The following ADAR variants were observed in gnomAD, a reference collection of about 807,000 sequenced individuals.
The protein encoded by ADAR is adenosine deaminase RNA specific, also known as double-stranded RNA-specific adenosine deaminase.
Under a neutral mutation model 113.2 loss-of-function variants are expected in ADAR, and 41 were observed. The ratio of observed to expected loss-of-function variants is 0.36; its 90% CI spans 0.28 to 0.47. The LOEUF (loss-of-function observed/expected upper bound fraction) is 0.47. Among genes scored for constraint, ADAR ranks in the 20% least tolerant of loss-of-function variants. The pLI, the probability that ADAR is intolerant of heterozygous loss-of-function variation, is 1.00. For missense variants in ADAR, 1,242 were observed against 1,540.9 expected (o/e 0.81, Z 3.25); for synonymous variants, 605 against 572.6 (o/e 1.06, Z -0.81).
chr1:154,590,112 A>AGAG, intron 7 of ADAR, 72 bp downstream of exon 7: 1 of 1,513,872 alleles, frequency 6.6e-7, no homozygotes, highest in Non-Finnish European at 9.1e-7. Context: ...CATGACAGCA[A>AGAG]GAGCCACCTC....
intron 1 of ADAR, chr1:154,606,109 T>G (rs1001313327): frequency 2.9e-5 from 6 of 205,228 alleles, no homozygotes; most frequent in African/African-American, 1.4e-4. Context: ...CAGTGTGATC[T>G]CAGCTCACTG....
At chr1:154,591,889 G>T (rs1383208662) in intron 6 of ADAR, among the ~76,000 whole-genome samples, 1 of 152,228 alleles carries the variant, frequency 6.6e-6, no homozygotes, top group Admixed American at 6.5e-5. Flanking sequence ...GAATGAGAGG[G>T]ACAGTGGCAT....
chr1:154,613,192 G>A (rs1571141044), intron 1 of ADAR, among the ~76,000 whole-genome samples: 1 of 151,834 alleles, frequency 6.6e-6, no homozygotes, highest in East Asian at 1.9e-4. Flanking sequence ...TTTTGGTAGA[G>A]AAGAGTGAGT....
Position 154,588,616 on chromosome 1 carries a change from A to C in ADAR, c.2820T>G (p.Phe940Leu). 6.2e-7 allele frequency: 1 copy of C among 1,614,166 alleles called. No homozygotes were observed. Among genetic ancestry groups the C allele is most frequent in the Non-Finnish European group, 8.5e-7 (1 of 1,180,000 alleles). Residue 940 changes from phenylalanine (F) to leucine (L), a missense_variant, in exon 10 of 15, where the codon TTT becomes TTG. Physicochemically the swap from Phe to Leu is conservative, Grantham distance 22. Coordinates refer to ENST00000368474, the MANE Select transcript of ADAR (RefSeq NM_001111.5). ...YNSQTAKDSI[F>L]EPAKGGEKLQ... Reference sequence around the variant, plus strand: ...GCTTTTCTCCTCCCTTAGCAGGTTCAAATATACTATCCTTCGCAGTCTGGG... The same window carrying C: ...GCTTTTCTCCTCCCTTAGCAGGTTCCAATATACTATCCTTCGCAGTCTGGG...
At chr1:154,612,773 T>G (rs1240470651), upstream of ADAR, among the ~76,000 whole-genome samples, 4 of 152,140 alleles carry the variant, frequency 2.6e-5, no homozygotes. Context: ...CACTGAGTTT[T>G]TATTCCACTA....
rs369307645 is a variant in ADAR, at chr1:154,625,631, C to T, written c.-871+2224G>A. ...CCCATCACTCTGGGAGGCCTAAGTG[C>T]GCAGATCACTTGAGGTCAGGAGTTC... On this transcript the variant is annotated intron_variant, in intron 1 of 14. Coordinates refer to the ADAR transcript ENST00000368471. 1.9e-3 allele frequency among the ~76,000 whole-genome samples: 290 copies of T among 152,146 alleles called. 12 individuals carry two copies. In the South Asian group the frequency reaches 0.058, roughly 30 times the overall value.
rs1256651575 is a variant in ADAR at position 154,583,903 on chromosome 1, G to C, written c.*903C>G. The C allele has an allele frequency of 6.6e-6, 1 of 152,218 alleles. No individual in the cohort carries two copies. The highest frequency in any genetic ancestry group is 1.5e-5 in the Non-Finnish European group (1 of 68,040). The allele number at this position is 152,218 out of a possible 1,614,324, so 9.4% of individuals were successfully genotyped here. On this transcript the variant is annotated 3_prime_UTR_variant, in exon 15 of 15. Coordinates refer to ENST00000368474, the MANE Select transcript of ADAR (RefSeq NM_001111.5). ...TCTAGGATTTGTCCCGTTGGCTAGG[G>C]TGTACGCCCAGCATTGGCGGGGAAA... is the stretch of plus-strand genomic sequence containing the variant.
upstream of ADAR, among the ~76,000 whole-genome samples, chr1:154,609,174 G>C (rs1698395047): frequency 6.6e-6 from 1 of 152,220 alleles, no homozygotes; most frequent in Admixed American, 6.5e-5. Context: ...GTAAAGCTCA[G>C]TCTTCAGCGC....
In ADAR at chr1:154,608,120, T is replaced by G; in HGVS notation, c.-114A>C. On this transcript the variant is annotated 5_prime_UTR_variant, in exon 1 of 15. Coordinates refer to ENST00000368474, the MANE Select transcript of ADAR (RefSeq NM_001111.5). ...CGCCTCCGCTACTCCGCACTGGAAG[T>G]GGCCCCGGGGCGTCGGCACGGGAAA... 1 of 1,358,642 alleles carries G rather than the reference T, an allele frequency of 7.4e-7. No homozygotes were observed. Among genetic ancestry groups the G allele is most frequent in the Non-Finnish European group, 9.7e-7 (1 of 1,034,444 alleles). 84.2% of individuals were successfully genotyped at this position (1,358,642 alleles called of 1,614,324 possible). A position where few individuals can be genotyped will look rare whatever the true frequency, so the allele number is the denominator to read the frequency against.
chr1:154,597,623 G>A (rs985299791), intron 4 of ADAR, among the ~76,000 whole-genome samples: 1 of 152,198 alleles, frequency 6.6e-6, no homozygotes, highest in Non-Finnish European at 1.5e-5. Flanking sequence ...AGAGGAGATA[G>A]AGGGTGGGCC....
intron 10 of ADAR, 140 bp from the exon 11 acceptor site, chr1:154,588,398 T>G: frequency 2.0e-6 from 3 of 1,488,078 alleles, no homozygotes; most frequent in Non-Finnish European, 2.8e-6. Flanking sequence ...CAGCAGTACA[T>G]GTGAGTCATC....
chr1:154,585,686 T>C lies in ADAR; in HGVS notation c.3315+67A>G, dbSNP rs1571048396. Reference sequence around the variant, plus strand: ...TCCCCTTGCCCACAGTGTACATTTTTCCTCTGTTTACATGACTGCTTGAAA... The same window carrying C: ...TCCCCTTGCCCACAGTGTACATTTTCCCTCTGTTTACATGACTGCTTGAAA... On this transcript the variant is annotated intron_variant, in intron 13 of 14. Transcript: ENST00000368474. 6 of 1,365,766 alleles carry C rather than the reference T, an allele frequency of 4.4e-6. No individual in the cohort carries two copies. In the South Asian group the frequency reaches 4.7e-5, roughly 11 times the overall value. 84.6% of individuals were successfully genotyped at this position (1,365,766 alleles called of 1,614,324 possible). A position where few individuals can be genotyped will look rare whatever the true frequency, so the allele number is the denominator to read the frequency against.
intron 2 of ADAR, chr1:154,600,687 T>C (rs571771172): frequency 2.7e-5 from 9 of 331,440 alleles, no homozygotes; most frequent in African/African-American, 1.9e-4. Context: ...TTGGCCAGGC[T>C]GGTCTCAAAC....
upstream of ADAR, among the ~76,000 whole-genome samples, chr1:154,608,491 G>GA (rs1698349471): frequency 2.9e-5 from 1 of 34,464 alleles, no homozygotes; most frequent in Non-Finnish European, 7.2e-5. Context: ...ATCACTCCTG[G>GA]CTTTTTTTTT....
intron 1 of ADAR, among the ~76,000 whole-genome samples, chr1:154,604,091 G>A (rs1453677312): frequency 6.6e-6 from 1 of 152,182 alleles, no homozygotes; most frequent in Non-Finnish European, 1.5e-5. Context: ...TCCAGTGGCT[G>A]ATAAACTTTT....
chr1:154,605,583 T>C lies in ADAR; in HGVS notation c.15+2409A>G, dbSNP rs144914628. ...CTTCAGTTGATTCCATGGTGAGCTCTTGGGGGTCAAGGACTATGCTTCAAT... is the reference window on the plus strand; with the variant it reads ...CTTCAGTTGATTCCATGGTGAGCTCCTGGGGGTCAAGGACTATGCTTCAAT... On this transcript the variant is annotated intron_variant, in intron 1 of 14. Transcript: ENST00000368474. 4.6e-5 allele frequency among the ~76,000 whole-genome samples: 7 copies of C among 152,278 alleles called. No individual in the cohort carries two copies. The East Asian group carries it at 1.3e-3, about 29-fold the overall frequency.
At chr1:154,586,134 G>A (rs781461922) in intron 12 of ADAR, 47 bp downstream of exon 12, 1 of 1,607,534 alleles carries the variant, frequency 6.2e-7, no homozygotes, top group Non-Finnish European at 8.5e-7. Context: ...TGGGATCTGG[G>A]CACAAGAAGG....
upstream of ADAR, among the ~76,000 whole-genome samples, chr1:154,609,411 A>G (rs79106843): frequency 0.014 from 2,100 of 152,266 alleles, 48 homozygotes; most frequent in African/African-American, 0.048. Flanking sequence ...TGAAATTACA[A>G]GGCAGTCCCT....
intron 1 of ADAR, among the ~76,000 whole-genome samples, chr1:154,604,115 AGACAGCTCTGCCACT>A (rs1213488205): frequency 6.6e-6 from 1 of 152,266 alleles, no homozygotes; most frequent in African/African-American, 2.4e-5. Flanking sequence ...ATAAAGGGCC[AGACAGCTCTGCCACT>A]GTAGCACAAA....
Sources: allele counts gnomAD v4.1 joint callset (sites outside exome capture counted in the v4.1 genomes callset), GRCh38; gene constraint gnomAD v4.1.1; transcripts MANE v1.5; gene names NCBI Gene and HGNC (gene_info 2026-07-23, HGNC 2026-07-21).